Variants in MYH2 observed in about 807,000 individuals in gnomAD.
MYH2 encodes the protein myosin heavy chain 2, also known as myosin-2.
MYH2 carries 139 observed loss-of-function variants against 228.1 expected under a neutral mutation model. The ratio of observed to expected loss-of-function variants is 0.61; its 90% CI spans 0.53 to 0.70. The LOEUF (loss-of-function observed/expected upper bound fraction) is 0.70, where lower values mean the gene tolerates loss of function less well. Ranked by LOEUF, MYH2 falls within the 30% of genes least tolerant of loss-of-function variation. The pLI, the probability that MYH2 is intolerant of heterozygous loss-of-function variation, is 0.00. For missense variants in MYH2, 1,809 were observed against 2,357.5 expected, an observed-to-expected ratio of 0.77 and a Z score of 4.82; for synonymous variants, 796 against 871.1, an observed-to-expected ratio of 0.91 and a Z score of 1.52.
chr17:10,530,125 C>CA (rs1306038162), intron 22 of MYH2, 51 bp from the exon 23 acceptor site: 6 of 1,612,692 alleles, frequency 3.7e-6, no homozygotes, highest in Non-Finnish European at 5.1e-6. Context: ...AAATACTTCA[C>CA]AATGGATAAG....
Position 10,525,644 on chromosome 17 carries a change from G to A in MYH2, c.4372-28C>T. On this transcript the variant is annotated intron_variant, in intron 31 of 39. Coordinates refer to ENST00000245503, the MANE Select transcript of MYH2 (RefSeq NM_017534.6). This position sits in a 1 kb window ranked among gnomAD's most constrained non-coding sequence, Gnocchi z 4.2. ...GAAAAACCAAGACCTGTTACCTGCT[G>A]CAAAGACAAAAGAGTAGAGTAAAGA... 1 of 1,614,166 alleles carries A rather than the reference G, an allele frequency of 6.2e-7. No homozygotes were observed. Among genetic ancestry groups the A allele is most frequent in the African/African-American group, 1.3e-5 (1 of 75,044 alleles).
chr17:10,541,568 C>T (rs1025388977), intron 10 of MYH2, among the ~76,000 whole-genome samples: 1 of 152,198 alleles, frequency 6.6e-6, no homozygotes, highest in Non-Finnish European at 1.5e-5. Flanking sequence ...TGTGATCTCA[C>T]CCTGCCTCCA....
chr17:10,540,203 G>T, intron 11 of MYH2, 137 bp from the exon 12 acceptor site: 1 of 1,235,108 alleles, frequency 8.1e-7, no homozygotes, highest in Admixed American at 1.7e-5. Flanking sequence ...TGGGTATATA[G>T]AGAGTTGGTC....
Position 10,529,317 on chromosome 17 carries a change from G to A in MYH2, c.3263+19C>T, listed in dbSNP as rs570103943. On this transcript the variant is annotated intron_variant, in intron 25 of 39. Coordinates refer to ENST00000245503, the MANE Select transcript of MYH2 (RefSeq NM_017534.6). ...TCTAATGTTGGAAGCAAATCCATAA[G>A]CAATTCTTTCTTACTTACTTTTTGA... 6.8e-6 allele frequency: 11 copies of A among 1,613,876 alleles called. No individual in the cohort carries two copies. The highest frequency in any genetic ancestry group is 1.3e-5 in the African/African-American group (1 of 75,058).
At position 10,525,083 on chromosome 17, in the gene MYH2, G is replaced by A. The variant is rs1034291249; in HGVS notation, c.4663-18C>T. On this transcript the variant is annotated intron_variant, in intron 33 of 39. Transcript: ENST00000245503. This position sits in a 1 kb window ranked among gnomAD's most constrained non-coding sequence, Gnocchi z 4.2. ...AGAGATGCCTTAATGACAGCAAGAG[G>A]TGACATTAGCAAGGAACCAAAAGCT... 8 of 1,614,094 alleles carry A rather than the reference G, an allele frequency of 5.0e-6. No individual in the cohort carries two copies. The highest frequency in any genetic ancestry group is 6.8e-6 in the Non-Finnish European group (8 of 1,180,028).
At position 10,529,652 on chromosome 17, in the gene MYH2, T is replaced by C. The variant is rs148961199; in HGVS notation, c.3029A>G (p.Gln1010Arg). 2.3e-4 allele frequency: 366 copies of C among 1,613,996 alleles called. 2 individuals carry two copies. The highest frequency in any genetic ancestry group is 2.2e-4 in the Non-Finnish European group (257 of 1,180,040). ...KEKKALQEAH[Q>R]QTLDDLQAEE... is the part of the protein sequence containing the mutation. ...TGCCTGCAGGTCATCCAGGGTCTGCTGGTGGGCCTCCTGGAGAGCCTTCTT... is the reference window on the plus strand; with the variant it reads ...TGCCTGCAGGTCATCCAGGGTCTGCCGGTGGGCCTCCTGGAGAGCCTTCTT... The change falls in exon 24 of 40, where the codon CAG becomes CGG. Residue 1010 changes from glutamine (Q) to arginine (R), a missense_variant. Gln to Arg is a conservative substitution (Grantham distance 43, BLOSUM62 1). Transcript: ENST00000245503.
At chr17:10,549,211 A>C (rs991196026) in intron 2 of MYH2, among the ~76,000 whole-genome samples, 164 bp downstream of exon 2, 3 of 152,234 alleles carry the variant, frequency 2.0e-5, no homozygotes, top group South Asian at 2.1e-4. Flanking sequence ...GGATGTGTGC[A>C]TTGTCCTGAA....
chr17:10,525,360 G>A lies in MYH2; in HGVS notation c.4538-12C>T, dbSNP rs1437368826. On this transcript the variant is annotated splice_polypyrimidine_tract_variant and intron_variant, in intron 32 of 39. Transcript: ENST00000245503. This position sits in a 1 kb window ranked among gnomAD's most constrained non-coding sequence, Gnocchi z 4.2. ...GTCAGAAATCTCCTCTGTTGTTTGAGTAAAAGACAGGTAGGGATTTGGTTA... is the reference window on the plus strand; with the variant it reads ...GTCAGAAATCTCCTCTGTTGTTTGAATAAAAGACAGGTAGGGATTTGGTTA... 1.2e-6 allele frequency: 2 copies of A among 1,614,026 alleles called. No homozygotes were observed. Among genetic ancestry groups the A allele is most frequent in the African/African-American group, 1.3e-5 (1 of 74,910 alleles).
Position 10,527,737 on chromosome 17 carries a change from G to A in MYH2, c.3871+11C>T. The A allele has an allele frequency of 6.2e-7, 1 of 1,613,912 alleles. No homozygotes were observed. Among genetic ancestry groups the A allele is most frequent in the Non-Finnish European group, 8.5e-7 (1 of 1,180,002 alleles). ...TCCACCCTGAAGCTGCACAGAAGAG[G>A]GGAGAGTTACCAGATTCAGTCTGCA... On this transcript the variant is annotated intron_variant, in intron 28 of 39. Transcript: ENST00000245503.
intron 3 of MYH2, 37 bp downstream of exon 3, chr17:10,547,680 T>C (rs772378527): frequency 6.2e-7 from 1 of 1,614,048 alleles, no homozygotes; most frequent in Non-Finnish European, 8.5e-7. Context: ...ACAACAAAAA[T>C]CAATAAAATG....
At chr17:10,527,500 A>G (rs1017108598) in intron 28 of MYH2, among the ~76,000 whole-genome samples, 3 of 152,214 alleles carry the variant, frequency 2.0e-5, no homozygotes, top group Admixed American at 2.0e-4. Context: ...GTAACCGCTA[A>G]TCCCAGCATC....
chr17:10,536,659 T>C (rs2073485475), intron 16 of MYH2, 53 bp from the exon 17 acceptor site: 2 of 1,520,328 alleles, frequency 1.3e-6, no homozygotes, highest in Non-Finnish European at 1.8e-6. Flanking sequence ...GGGCTACTTC[T>C]TGCGTATTTG....
Position 10,525,910 on chromosome 17 carries a change from A to T in MYH2, c.4188-34T>A. The T allele has an allele frequency of 6.2e-7, 1 of 1,607,172 alleles. No individual in the cohort carries two copies. The highest frequency in any genetic ancestry group is 8.5e-7 in the Non-Finnish European group (1 of 1,174,286). On this transcript the variant is annotated intron_variant, in intron 30 of 39. Coordinates refer to ENST00000245503, the MANE Select transcript of MYH2 (RefSeq NM_017534.6). This position sits in a 1 kb window ranked among gnomAD's most constrained non-coding sequence, Gnocchi z 4.2. ...TTATACATGTTTTCAGAGAGAAGTG[A>T]ACCATAATATGAATTATGAGCTATT...
intron 10 of MYH2, 65 bp downstream of exon 10, chr17:10,542,810 G>T: frequency 9.1e-7 from 1 of 1,101,462 alleles, no homozygotes. Context: ...TAGAATACTA[G>T]GTTGGACTGT....
intron 27 of MYH2, 146 bp from the exon 28 acceptor site, chr17:10,528,020 G>T: frequency 1.0e-5 from 9 of 859,970 alleles, no homozygotes; most frequent in East Asian, 3.4e-5. Flanking sequence ...TATATGTAAT[G>T]TAATGCAGAA....
At chr17:10,522,970 G>T in intron 39 of MYH2, 120 bp downstream of exon 39, 2 of 716,350 alleles carry the variant, frequency 2.8e-6, no homozygotes, top group South Asian at 1.6e-5. Context: ...AAGAATTATT[G>T]TACAAAAACA....
rs1382997430 is a variant in MYH2, at chr17:10,524,161, A to G, written c.5176-277T>C. 6.6e-6 allele frequency among the ~76,000 whole-genome samples: 1 copy of G among 152,192 alleles called. No individual in the cohort carries two copies. The highest frequency in any genetic ancestry group is 1.9e-4 in the East Asian group (1 of 5,194). On this transcript the variant is annotated intron_variant, in intron 35 of 39. Coordinates refer to ENST00000245503, the MANE Select transcript of MYH2 (RefSeq NM_017534.6). This position sits in a 1 kb window ranked among gnomAD's most constrained non-coding sequence, Gnocchi z 4.7. ...GACCATTCACAGGGATAAAAGTATA[A>G]TGGACTTTCTCATAACATTCCATTT...
chr17:10,529,998 A>G lies in MYH2; in HGVS notation c.2774T>C (p.Ile925Thr), dbSNP rs1317463160. The change falls in exon 23 of 40, where the codon ATC (isoleucine) becomes ACC (threonine). Residue 925 changes from isoleucine to threonine, a missense_variant. By Grantham distance (89) the Ile-to-Thr change is moderately conservative. This residue lies in a region of MYH2 where 43 missense variants were observed against 89.2 expected (regional missense o/e 0.48). Coordinates refer to ENST00000245503, the MANE Select transcript of MYH2 (RefSeq NM_017534.6). ...IKTKIQLEAKIKEVTERAEDE... is the reference protein window; with the variant it reads ...IKTKIQLEAKTKEVTERAEDE... ...CTCAGCTCTCTCAGTCACCTCTTTGATTTTGGCTTCTAGCTGGATTTTGGT... is the reference window on the plus strand; with the variant it reads ...CTCAGCTCTCTCAGTCACCTCTTTGGTTTTGGCTTCTAGCTGGATTTTGGT... The G allele has an allele frequency of 6.2e-7, 1 of 1,613,926 alleles. No homozygotes were observed. Among genetic ancestry groups the G allele is most frequent in the Non-Finnish European group, 8.5e-7 (1 of 1,179,944 alleles).
In MYH2 at chr17:10,528,683, G is replaced by T; in HGVS notation, c.3744+7C>A. 1 of 1,613,960 alleles carries T rather than the reference G, an allele frequency of 6.2e-7. No homozygotes were observed. The highest frequency in any genetic ancestry group is 8.5e-7 in the Non-Finnish European group (1 of 1,179,884). ...TTTCAATAACAATTTCCCAGAATTT[G>T]TAGTACCTTGGCTTTGGAGACCGTT... On this transcript the variant is annotated splice_region_variant and intron_variant, in intron 27 of 39. Transcript: ENST00000245503.
Sources: gnomAD v4.1 joint callset for allele counts (sites outside exome capture counted in the v4.1 genomes callset) on GRCh38, gnomAD v4.1.1 for gene constraint, gnomAD v4.1.1 regional missense constraint, Gnocchi (gnomAD v3.1) non-coding constraint, MANE v1.5 for transcripts, NCBI Gene and HGNC (gene_info 2026-07-23, HGNC 2026-07-21) for gene names.